The following SLC26A9 variants were observed in gnomAD, a reference collection of about 807,000 sequenced individuals.
The protein encoded by SLC26A9 is solute carrier family 26 member 9, also known as anion transporter/exchanger protein 9.
In SLC26A9, 46 loss-of-function variants were observed where a neutral mutation model predicts 87.1. The observed-to-expected ratio is 0.53, with a 90% CI of 0.42 to 0.67. The LOEUF (loss-of-function observed/expected upper bound fraction) is 0.67. Among genes scored for constraint, SLC26A9 ranks in the 30% least tolerant of loss-of-function variants. SLC26A9 has a pLI of 0.00. For synonymous variants in SLC26A9, 437 were observed against 409.1 expected (o/e 1.07, Z -0.82); for missense variants, 927 against 1,018.3 (o/e 0.91, Z 1.22).
chr1:205,915,142 C>T lies in SLC26A9; in HGVS notation c.*215G>A. On this transcript the variant is annotated 3_prime_UTR_variant, in exon 21 of 21. Transcript: ENST00000367135. Reference sequence around the variant, plus strand: ...GAAGAGTGGGCTCACCAGACTCTCACTCCTGTAAGGGTAGCACCCCCCTGC... The same window carrying T: ...GAAGAGTGGGCTCACCAGACTCTCATTCCTGTAAGGGTAGCACCCCCCTGC... 7.4e-6 allele frequency: 12 copies of T among 1,613,598 alleles called. No homozygotes were observed. The highest frequency in any genetic ancestry group is 1.0e-5 in the Non-Finnish European group (12 of 1,179,660).
chr1:205,941,143 A>T (rs529138909), intron 1 of SLC26A9, among the ~76,000 whole-genome samples: 23 of 152,002 alleles, frequency 1.5e-4, no homozygotes, highest in African/African-American at 5.3e-4. Context: ...TGCACCCCTA[A>T]GGCTTTTTTG....
chr1:205,919,040 TG>T, intron 18 of SLC26A9, 55 bp from the exon 19 acceptor site: 2 of 1,602,966 alleles, frequency 1.2e-6, no homozygotes, highest in Non-Finnish European at 1.7e-6. Context: ...GGATTGGAGC[TG>T]GGGGTGGGGA....
At chr1:205,926,438 A>T (rs1659070558) in intron 12 of SLC26A9, 97 bp downstream of exon 12, 2 of 995,634 alleles carry the variant, frequency 2.0e-6, no homozygotes, top group Admixed American at 3.5e-5. Context: ...GAAGCAGCAG[A>T]CTAGAGGGTT....
rs80142918 is a variant in SLC26A9, at chr1:205,929,060, G to A, written c.870+144C>T. The stretch of plus-strand genomic sequence containing the variant: ...TTAGAGCAGTAGAAAGAGAGGAAAC[G>A]CCACATACGGGGGATGGGATGGATT... On this transcript the variant is annotated intron_variant, in intron 7 of 20. Transcript: ENST00000367135. 394 of 1,449,236 alleles carry A rather than the reference G, an allele frequency of 2.7e-4. No homozygotes were observed. The African/African-American group carries it at 3.0e-3, about 11-fold the overall frequency. The allele number at this position is 1,449,236 out of a possible 1,614,324, so 89.8% of individuals were successfully genotyped here. A position where few individuals can be genotyped will look rare whatever the true frequency, so the allele number is the denominator to read the frequency against.
At chr1:205,920,111 C>T (rs1253764210) in intron 18 of SLC26A9, 65 bp downstream of exon 18, 1 of 1,598,332 alleles carries the variant, frequency 6.3e-7, no homozygotes, top group Non-Finnish European at 8.6e-7. Flanking sequence ...TCAGACCCCA[C>T]CAACCTGTTC....
At chr1:205,921,960 G>A in intron 16 of SLC26A9, 113 bp from the exon 17 acceptor site, 1 of 1,333,648 alleles carries the variant, frequency 7.5e-7, no homozygotes, top group Non-Finnish European at 1.0e-6. Flanking sequence ...ACTCGCCTCG[G>A]TGATGGTGAA....
chr1:205,914,982 G>A lies in SLC26A9; in HGVS notation c.*375C>T. 1 of 1,614,202 alleles carries A rather than the reference G, an allele frequency of 6.2e-7. No individual in the cohort carries two copies. ...GCTTGTACAGCAGGCCAGCACAGTT[G>A]TACTTGTCCTTCTGTTTTTGGCTCA... On this transcript the variant is annotated 3_prime_UTR_variant, in exon 21 of 21. Coordinates refer to ENST00000367135, the MANE Select transcript of SLC26A9 (RefSeq NM_052934.4).
chr1:205,929,180 C>A (rs533150531), intron 7 of SLC26A9, 24 bp downstream of exon 7: 2 of 1,604,608 alleles, frequency 1.2e-6, no homozygotes, highest in Non-Finnish European at 1.7e-6. Context: ...CCCCCAACAT[C>A]CCAGCTCTGA....
At chr1:205,928,332 T>C in intron 8 of SLC26A9, 1 of 477,470 alleles carries the variant, frequency 2.1e-6, no homozygotes, top group South Asian at 2.7e-5. Context: ...TTCTGAACCC[T>C]GTATGCTCAC....
chr1:205,931,390 G>A (rs1397555141), intron 5 of SLC26A9, among the ~76,000 whole-genome samples: 1 of 151,498 alleles, frequency 6.6e-6, no homozygotes, highest in Non-Finnish European at 1.5e-5. Flanking sequence ...ACATGCAGAT[G>A]AGGAGATACT....
Position 205,918,860 on chromosome 1 carries a change from G to A in SLC26A9, c.2236C>T (p.Pro746Ser). 1 of 1,613,920 alleles carries A rather than the reference G, an allele frequency of 6.2e-7. No individual in the cohort carries two copies. Among genetic ancestry groups the A allele is most frequent in the Non-Finnish European group, 8.5e-7 (1 of 1,179,820 alleles). Residue 746 changes from proline to serine, a missense_variant, in exon 19 of 21, where the codon CCA (proline) becomes TCA (serine). Pro to Ser is a moderately conservative substitution (Grantham distance 74). Transcript: ENST00000367135. ...FAQANARDVTPGHNFQGAPGD... is the reference protein window; with the variant it reads ...FAQANARDVTSGHNFQGAPGD... ...CTTACCCCTTGGAAGTTGTGTCCTG[G>A]GGTCACGTCTCTAGCATTTGCCTGG...
At chr1:205,931,072 G>A (rs952177700) in intron 5 of SLC26A9, among the ~76,000 whole-genome samples, 9 of 152,208 alleles carry the variant, frequency 5.9e-5, no homozygotes, top group Admixed American at 5.9e-4. Flanking sequence ...ATGAAAAGGC[G>A]CTCTCTGGGA....
At chr1:205,941,118 G>A (rs2102609132) in intron 1 of SLC26A9, among the ~76,000 whole-genome samples, 1 of 152,298 alleles carries the variant, frequency 6.6e-6, no homozygotes, top group Admixed American at 6.5e-5. Flanking sequence ...GGAGGAGGAA[G>A]GATGTAGAGG....
In SLC26A9 at chr1:205,913,299, A is replaced by T. The variant is rs891704074; in HGVS notation, c.*2058T>A. On this transcript the variant is annotated 3_prime_UTR_variant, in exon 21 of 21. Coordinates refer to ENST00000367135, the MANE Select transcript of SLC26A9 (RefSeq NM_052934.4). ...TTCTTTTCCAAATATTCCAGCAGAG[A>T]TGTTTTCTTCAATGTCTTCCCTCTG... The T allele has an allele frequency of 3.3e-5, 5 of 152,176 alleles. No individual in the cohort carries two copies. The highest frequency in any genetic ancestry group is 7.3e-5 in the Non-Finnish European group (5 of 68,032). The allele number at this position is 152,176 out of a possible 1,614,324, so 9.4% of individuals were successfully genotyped here. A position where few individuals can be genotyped will look rare whatever the true frequency, so the allele number is the denominator to read the frequency against.
At position 205,932,637 on chromosome 1, in the gene SLC26A9, C is replaced by G; in HGVS notation, c.376+65G>C. ...GCAGATGGAAAATCTCCCGAGGCCCCTTTGCCACACCTCCCATCCTTGGGG... is the reference window on the plus strand; with the variant it reads ...GCAGATGGAAAATCTCCCGAGGCCCGTTTGCCACACCTCCCATCCTTGGGG... On this transcript the variant is annotated intron_variant, in intron 4 of 20. Coordinates refer to ENST00000367135, the MANE Select transcript of SLC26A9 (RefSeq NM_052934.4). 3 of 1,375,532 alleles carry G rather than the reference C, an allele frequency of 2.2e-6. No individual in the cohort carries two copies. In the Admixed American group the frequency reaches 6.9e-5, roughly 32 times the overall value. 85.2% of individuals were successfully genotyped at this position (1,375,532 alleles called of 1,614,324 possible).
rs1484731215 is a variant in SLC26A9 at position 205,929,233 on chromosome 1, G to C, written c.841C>G (p.Arg281Gly). 1 of 1,614,050 alleles carries C rather than the reference G, an allele frequency of 6.2e-7. No individual in the cohort carries two copies. Among genetic ancestry groups the C allele is most frequent in the East Asian group, 2.2e-5 (1 of 44,898 alleles). The part of the protein sequence containing the change: ...ELNARYMHKI[R>G]FPIPTEMIVV... ...ATCATCTCTGTAGGGATGGGGAAGCGAATCTTGTGCATGTAGCGAGCATTG... is the reference window on the plus strand; with the variant it reads ...ATCATCTCTGTAGGGATGGGGAAGCCAATCTTGTGCATGTAGCGAGCATTG... Residue 281 changes from arginine to glycine, a missense_variant, in exon 7 of 21, where the codon CGC becomes GGC. Physicochemically the swap from Arg to Gly is moderately radical, Grantham distance 125. Coordinates refer to ENST00000367135, the MANE Select transcript of SLC26A9 (RefSeq NM_052934.4).
At position 205,923,114 on chromosome 1, in the gene SLC26A9, G is replaced by T; in HGVS notation, c.1741C>A (p.Gln581Lys). The change falls in exon 16 of 21, where the codon CAA becomes AAA. Residue 581 changes from glutamine to lysine, a missense_variant. By Grantham distance (53) the Gln-to-Lys change is moderately conservative. Transcript: ENST00000367135. ...KQEKRRMRPT[Q>K]QRRSLFMKTK... ...TTCATGAATAGAGACCTCCTCTGTTGTGTGGGCCTCATTCTCCGCTTCTCC... is the reference window on the plus strand; with the variant it reads ...TTCATGAATAGAGACCTCCTCTGTTTTGTGGGCCTCATTCTCCGCTTCTCC... 1.1e-5 allele frequency: 17 copies of T among 1,614,106 alleles called. No individual in the cohort carries two copies. The highest frequency in any genetic ancestry group is 1.4e-5 in the Non-Finnish European group (16 of 1,180,028).
chr1:205,919,532 G>C (rs192011184), intron 18 of SLC26A9, among the ~76,000 whole-genome samples: 1 of 152,288 alleles, frequency 6.6e-6, no homozygotes, highest in African/African-American at 2.4e-5. Flanking sequence ...AGCCCTGCTG[G>C]AGGGGGTCTG....
chr1:205,928,533 G>A, intron 8 of SLC26A9: 1 of 511,678 alleles, frequency 2.0e-6, no homozygotes, highest in Non-Finnish European at 3.5e-6. Context: ...ATGCATTAGA[G>A]CAAGGCAAAG....
Sources: allele counts gnomAD v4.1 joint callset (sites outside exome capture counted in the v4.1 genomes callset), GRCh38; gene constraint gnomAD v4.1.1; transcripts MANE v1.5; gene names NCBI Gene and HGNC (gene_info 2026-07-23, HGNC 2026-07-21).